PRELID2: variants seen among roughly 807,000 people sequenced by gnomAD.
The protein encoded by PRELID2 is PRELI domain-containing protein 2.
In PRELID2, 25 loss-of-function variants were observed where a neutral mutation model predicts 28.4. That is an observed-to-expected ratio of 0.88 (90% CI 0.64 to 1.23). The LOEUF (loss-of-function observed/expected upper bound fraction) is 1.23. Among genes scored for constraint, PRELID2 ranks in the 50% most tolerant of loss-of-function variants. PRELID2 has a pLI of 0.00. For missense variants in PRELID2, 201 were observed against 214.4 expected (o/e 0.94, Z 0.39); for synonymous variants, 76 against 71.6 (o/e 1.06, Z -0.31).
chr5:145,651,537 A>G (rs935937430), intron 1 of PRELID2, among the ~76,000 whole-genome samples: 5 of 151,990 alleles, frequency 3.3e-5, no homozygotes, highest in African/African-American at 1.2e-4. Flanking sequence ...TCTCACGGCC[A>G]GGTACCCCTC....
intron 1 of PRELID2, 143 bp downstream of exon 1, chr5:145,835,034 C>T: frequency 3.3e-6 from 2 of 597,050 alleles, no homozygotes; most frequent in East Asian, 6.0e-5. Flanking sequence ...GAGGAAATCC[C>T]TCTCGACCCA....
At chr5:145,711,001 C>A (rs1424320956) in intron 1 of PRELID2, among the ~76,000 whole-genome samples, 1 of 152,162 alleles carries the variant, frequency 6.6e-6, no homozygotes, top group African/African-American at 2.4e-5. Flanking sequence ...GCCACACATA[C>A]CATGAAGCTA....
chr5:145,733,600 C>A (rs575718352), intron 1 of PRELID2, among the ~76,000 whole-genome samples: 2 of 152,208 alleles, frequency 1.3e-5, no homozygotes, highest in South Asian at 4.1e-4. Context: ...AATCTGAGTA[C>A]AGAATCCTTC....
the PRELID2 span, among the ~76,000 whole-genome samples, chr5:145,271,328 G>A: frequency 1.4e-4 from 21 of 151,942 alleles, no homozygotes; most frequent in East Asian, 1.9e-4. Flanking sequence ...GGGCTCAAGC[G>A]ATTCTTCCAC....
At chr5:145,736,212 C>G (rs1756491698) in intron 1 of PRELID2, among the ~76,000 whole-genome samples, 1 of 152,198 alleles carries the variant, frequency 6.6e-6, no homozygotes, top group African/African-American at 2.4e-5. Context: ...TGTTGCTATA[C>G]AGTGGGATCA....
Position 145,798,988 on chromosome 5 carries a change from G to A in PRELID2, c.369-2441C>T, listed in dbSNP as rs548887841. ...GTATACCTATGCATCAAACCTGCAC[G>A]TTGTGCACATGTACCCTAGAACTTA... On this transcript the variant is annotated intron_variant, in intron 4 of 6. Transcript: ENST00000683046. 1.5e-4 allele frequency among the ~76,000 whole-genome samples: 22 copies of A among 151,314 alleles called. No individual in the cohort carries two copies. In the East Asian group the frequency reaches 2.7e-3, roughly 19 times the overall value.
the PRELID2 span, among the ~76,000 whole-genome samples, chr5:145,395,672 A>G: frequency 6.6e-6 from 1 of 152,178 alleles, no homozygotes; most frequent in Non-Finnish European, 1.5e-5. Context: ...ATGCAACATA[A>G]TTTTCTCCAC....
At chr5:145,640,307 TA>T (rs1476328960) in intron 1 of PRELID2, among the ~76,000 whole-genome samples, 1 of 151,542 alleles carries the variant, frequency 6.6e-6, no homozygotes, top group Admixed American at 6.6e-5. Context: ...ACCCCGTCTC[TA>T]CTAAAAAAAT....
chr5:145,624,583 C>G (rs997496808), intron 1 of PRELID2, among the ~76,000 whole-genome samples: 2 of 151,958 alleles, frequency 1.3e-5, no homozygotes, highest in Non-Finnish European at 2.9e-5. Context: ...ATCCCATACA[C>G]AAAAATAAAA....
At chr5:145,682,398 T>C (rs1018414040) in intron 1 of PRELID2, among the ~76,000 whole-genome samples, 3 of 152,220 alleles carry the variant, frequency 2.0e-5, no homozygotes, top group Admixed American at 2.0e-4. Flanking sequence ...GTGTGACGTC[T>C]ACAATAAGTA....
At chr5:145,503,067 G>A (rs910746896) in intron 1 of PRELID2, among the ~76,000 whole-genome samples, 6 of 152,104 alleles carry the variant, frequency 3.9e-5, no homozygotes, top group African/African-American at 1.4e-4. Flanking sequence ...TGGATGGCTG[G>A]GAGAGTATTC....
chr5:145,311,775 G>A, the PRELID2 span, among the ~76,000 whole-genome samples: 1 of 152,078 alleles, frequency 6.6e-6, no homozygotes, highest in Non-Finnish European at 1.5e-5. Context: ...ACAGAAAGAT[G>A]TGCCATGCCT....
At chr5:145,817,447 A>ATATATATATATATATC (rs1293005630) in intron 4 of PRELID2, among the ~76,000 whole-genome samples, 2 of 130,246 alleles carry the variant, frequency 1.5e-5, no homozygotes, top group Non-Finnish European at 3.4e-5. Context: ...ATATATATAT[A>ATATATATATATATATC]TCACATGGTT....
chr5:145,653,363 T>G (rs1038858193), intron 1 of PRELID2, among the ~76,000 whole-genome samples: 2 of 152,112 alleles, frequency 1.3e-5, no homozygotes, highest in African/African-American at 4.8e-5. Flanking sequence ...TTAACAAGGA[T>G]ATCCAGGAAT....
At chr5:145,608,706 G>A (rs1040906355) in intron 1 of PRELID2, among the ~76,000 whole-genome samples, 1 of 152,084 alleles carries the variant, frequency 6.6e-6, no homozygotes, top group African/African-American at 2.4e-5. Context: ...AGAATCTGAT[G>A]ACTATGTGTC....
chr5:145,632,205 T>A (rs1166522941), intron 1 of PRELID2, among the ~76,000 whole-genome samples: 1 of 152,180 alleles, frequency 6.6e-6, no homozygotes, highest in Non-Finnish European at 1.5e-5. Context: ...CTCGGAGGTC[T>A]ATGTTTCTCT....
At chr5:145,411,542 T>C in the PRELID2 span, among the ~76,000 whole-genome samples, 2 of 152,352 alleles carry the variant, frequency 1.3e-5, no homozygotes, top group African/African-American at 4.8e-5. Context: ...TTTGTGGCTT[T>C]GTGAGTACAA....
At chr5:145,422,622 T>G in the PRELID2 span, among the ~76,000 whole-genome samples, 3 of 152,050 alleles carry the variant, frequency 2.0e-5, no homozygotes, top group Non-Finnish European at 4.4e-5. Flanking sequence ...TTTGAGCCTA[T>G]GTGTGTCTCT....
intron 5 of PRELID2, among the ~76,000 whole-genome samples, chr5:145,790,721 G>GTGTGTGTGTGTATATATATATATA (rs772901344): frequency 3.0e-4 from 33 of 110,898 alleles, no homozygotes; most frequent in African/African-American, 7.0e-4. Context: ...GTGTGTGTGT[G>GTGTGTGTGTGTATATATATATATA]TATATATATA....
Sources: allele counts gnomAD v4.1 joint callset (sites outside exome capture counted in the v4.1 genomes callset), GRCh38; gene constraint gnomAD v4.1.1; transcripts MANE v1.5; gene names NCBI Gene and HGNC (gene_info 2026-07-23, HGNC 2026-07-21).